Variants in C7orf78 observed in about 807,000 individuals in gnomAD.
C7orf78 encodes the protein chromosome 7 open reading frame 78.
the C7orf78 span, chr7:12,506,918 A>G: frequency 8.3e-6 from 4 of 484,102 alleles, no homozygotes; most frequent in Non-Finnish European, 1.7e-5. Context: ...GGTGAAGGAG[A>G]TTCCACAGTC....
chr7:12,504,344 C>T, the C7orf78 span: 1 of 152,150 alleles, frequency 6.6e-6, no homozygotes, highest in Non-Finnish European at 1.5e-5. Flanking sequence ...CCTAGTTTTA[C>T]TTTTCTTTTT....
At chr7:12,502,439 T>G in the C7orf78 span, among the ~76,000 whole-genome samples, 1 of 151,676 alleles carries the variant, frequency 6.6e-6, no homozygotes, top group African/African-American at 2.4e-5. Flanking sequence ...AACAGACACT[T>G]CTCAAAAGAA....
the C7orf78 span, among the ~76,000 whole-genome samples, chr7:12,488,627 C>A: frequency 6.6e-6 from 1 of 151,844 alleles, no homozygotes; most frequent in East Asian, 1.9e-4. Context: ...CCAGCTGCAC[C>A]TTTATGAATG....
chr7:12,499,186 A>C, the C7orf78 span, among the ~76,000 whole-genome samples: 1 of 152,124 alleles, frequency 6.6e-6, no homozygotes. Flanking sequence ...CTAACGAGCA[A>C]AATCACCAGC....
At chr7:12,495,734 C>A in the C7orf78 span, among the ~76,000 whole-genome samples, 1 of 152,026 alleles carries the variant, frequency 6.6e-6, no homozygotes, top group Non-Finnish European at 1.5e-5. Flanking sequence ...TTGCAATTAT[C>A]TGTTCTATGA....
At chr7:12,533,165 G>A in the C7orf78 span, among the ~76,000 whole-genome samples, 4 of 152,130 alleles carry the variant, frequency 2.6e-5, no homozygotes, top group African/African-American at 9.7e-5. Context: ...TGGCATGGTA[G>A]TCCATCAGCA....
the C7orf78 span, among the ~76,000 whole-genome samples, chr7:12,514,555 T>A: frequency 1.3e-5 from 2 of 152,256 alleles, no homozygotes; most frequent in Non-Finnish European, 1.5e-5. Flanking sequence ...TATTATTGAT[T>A]TTTGAAGTTT....
chr7:12,503,642 G>A, the C7orf78 span, among the ~76,000 whole-genome samples: 1 of 151,600 alleles, frequency 6.6e-6, no homozygotes, highest in East Asian at 1.9e-4. Context: ...AAGTTTTAGG[G>A]TACATGTGCA....
the C7orf78 span, among the ~76,000 whole-genome samples, chr7:12,503,931 A>G: frequency 5.3e-5 from 8 of 152,138 alleles, no homozygotes; most frequent in African/African-American, 1.9e-4. Context: ...GCGACAGAGC[A>G]TGACTGTGTT....
At chr7:12,513,929 G>T in the C7orf78 span, among the ~76,000 whole-genome samples, 49 of 152,286 alleles carry the variant, frequency 3.2e-4, no homozygotes, top group African/African-American at 9.6e-4. Context: ...AAACCCAGGA[G>T]GCGGAGCTTG....
At chr7:12,536,636 C>G in the C7orf78 span, among the ~76,000 whole-genome samples, 4 of 152,184 alleles carry the variant, frequency 2.6e-5, no homozygotes, top group African/African-American at 7.2e-5. Context: ...TTTTCTATCA[C>G]ATTGTCAGGC....
the C7orf78 span, among the ~76,000 whole-genome samples, chr7:12,487,384 C>A: frequency 6.6e-6 from 1 of 152,000 alleles, no homozygotes; most frequent in African/African-American, 2.4e-5. Flanking sequence ...CTACACTGAT[C>A]CTTTAGAAAA....
the C7orf78 span, chr7:12,523,362 T>C: frequency 2.5e-6 from 1 of 398,258 alleles, no homozygotes. Flanking sequence ...AAGTTAATGT[T>C]TGTGAAGAGT....
the C7orf78 span, among the ~76,000 whole-genome samples, chr7:12,502,274 C>T: frequency 8.7e-6 from 1 of 114,454 alleles, no homozygotes; most frequent in African/African-American, 3.2e-5. Context: ...GCAAAAGAAA[C>T]TACCATCAGA....
At chr7:12,513,344 G>A in the C7orf78 span, among the ~76,000 whole-genome samples, 1 of 151,278 alleles carries the variant, frequency 6.6e-6, no homozygotes, top group Admixed American at 6.6e-5. Flanking sequence ...TTTTTTGGTT[G>A]TCGTTGCTGC....
the C7orf78 span, among the ~76,000 whole-genome samples, chr7:12,527,034 G>A: frequency 8.0e-6 from 1 of 124,248 alleles, no homozygotes; most frequent in Non-Finnish European, 1.7e-5. Context: ...CCTAGTATAT[G>A]CTATGTGTCA....
the C7orf78 span, among the ~76,000 whole-genome samples, chr7:12,495,522 T>C: frequency 4.6e-5 from 7 of 152,214 alleles, no homozygotes; most frequent in Admixed American, 2.6e-4. Context: ...TCTTACCTAG[T>C]TGTGTTGGTT....
At chr7:12,518,349 C>G in the C7orf78 span, among the ~76,000 whole-genome samples, 1 of 152,142 alleles carries the variant, frequency 6.6e-6, no homozygotes, top group Non-Finnish European at 1.5e-5. Context: ...CAGGCCTCCA[C>G]ATGTCTTGCC....
At chr7:12,525,975 A>G in the C7orf78 span, 4 of 393,242 alleles carry the variant, frequency 1.0e-5, no homozygotes, top group African/African-American at 2.1e-5. Flanking sequence ...GTAAATTCAT[A>G]GGCTTAAAAC....
Sources: gnomAD v4.1 joint callset for allele counts (sites outside exome capture counted in the v4.1 genomes callset) on GRCh38, gnomAD v4.1.1 for gene constraint, MANE v1.5 for transcripts, NCBI Gene and HGNC (gene_info 2026-07-23, HGNC 2026-07-21) for gene names.